Variants in SH3GL2 observed in about 807,000 individuals in gnomAD.
The protein encoded by SH3GL2 is SH3 domain containing GRB2 like 2, endophilin A1.
In SH3GL2, 24 loss-of-function variants were observed where a neutral mutation model predicts 46.0. That is an observed-to-expected ratio of 0.52 (90% CI 0.38 to 0.73). The LOEUF (loss-of-function observed/expected upper bound fraction) is 0.73. Among genes scored for constraint, SH3GL2 ranks in the 30% least tolerant of loss-of-function variants. SH3GL2 has a pLI of 0.00. For missense variants in SH3GL2, 413 were observed against 424.2 expected (o/e 0.97, Z 0.23); for synonymous variants, 196 against 147.1 (o/e 1.33, Z -2.40).
chr9:17,628,410 G>GT lies in SH3GL2; in HGVS notation c.45+49123_45+49124insT, dbSNP rs1491483140. On this transcript the variant is annotated intron_variant, in intron 1 of 8. Coordinates refer to ENST00000380607, the MANE Select transcript of SH3GL2 (RefSeq NM_003026.5). ...GGGGATGCCCAGATAACTATATCTT[G>GT]GGTGTGTGTGTGTGTGTGTGTGTGT... Among the ~76,000 whole-genome samples, 22 of 105,106 alleles carry GT rather than the reference G, an allele frequency of 2.1e-4. No individual in the cohort carries two copies. The South Asian group carries it at 2.9e-3, about 14-fold the overall frequency. 69.0% of individuals were successfully genotyped at this position (105,106 alleles called of 152,430 possible).
rs546040630 is a variant in SH3GL2 at position 17,781,463 on chromosome 9, T to A, written c.188-4918T>A. ...TCACTCTGATGGTAGTTTCTTTTGCTGTGCAGAAGCTCTTGAGTTTAATTA... is the reference window on the plus strand; with the variant it reads ...TCACTCTGATGGTAGTTTCTTTTGCAGTGCAGAAGCTCTTGAGTTTAATTA... On this transcript the variant is annotated intron_variant, in intron 3 of 8. Transcript: ENST00000380607. 4.8e-4 allele frequency among the ~76,000 whole-genome samples: 72 copies of A among 151,358 alleles called. 2 individuals carry two copies. In the South Asian group the frequency reaches 0.014, roughly 30 times the overall value.
At chr9:17,665,223 A>G (rs1820314423) in intron 1 of SH3GL2, among the ~76,000 whole-genome samples, 1 of 152,198 alleles carries the variant, frequency 6.6e-6, no homozygotes, top group Non-Finnish European at 1.5e-5. Flanking sequence ...GTACAGTGAT[A>G]AGAAACAAAA....
At chr9:17,670,398 T>C (rs559500455) in intron 1 of SH3GL2, among the ~76,000 whole-genome samples, 2 of 152,348 alleles carry the variant, frequency 1.3e-5, no homozygotes, top group East Asian at 3.9e-4. Flanking sequence ...TAGTTTTTTC[T>C]ACCTCCTGTA....
At chr9:17,723,445 A>G (rs1588274394) in intron 1 of SH3GL2, among the ~76,000 whole-genome samples, 1 of 152,162 alleles carries the variant, frequency 6.6e-6, no homozygotes, top group African/African-American at 2.4e-5. Context: ...ATGATTTTAT[A>G]CATCTTTCAT....
rs182808596 is a variant in SH3GL2 at position 17,664,252 on chromosome 9, A to G, written c.46-82814A>G. On this transcript the variant is annotated intron_variant, in intron 1 of 8. Coordinates refer to ENST00000380607, the MANE Select transcript of SH3GL2 (RefSeq NM_003026.5). ...ATTTGGGTAAAAATGAATTCCCGTG[A>G]ATACATGTTAGCAAAGCAAGCTTCC... Among the ~76,000 whole-genome samples, 243 of 152,292 alleles carry G rather than the reference A, an allele frequency of 1.6e-3. 1 individual carries two copies. The highest frequency in any genetic ancestry group is 5.6e-3 in the African/African-American group (231 of 41,578).
In SH3GL2 at chr9:17,793,421, G is replaced by C. The variant is rs1473870587; in HGVS notation, c.783G>C (p.Met261Ile). ...GGGAATATCAACCTAAACCACGAAT[G>C]AGCCTGGAGTTTCCAACTGGAGACA... ...PRREYQPKPR[M>I]SLEFPTGDST... is the part of the protein sequence containing the mutation. The change falls in exon 8 of 9, where the codon ATG becomes ATC. Residue 261 changes from methionine to isoleucine, a missense_variant. This residue lies in a region of SH3GL2 where 248 missense variants were observed against 215.0 expected (regional missense o/e 1.15). Coordinates refer to ENST00000380607, the MANE Select transcript of SH3GL2 (RefSeq NM_003026.5). The C allele has an allele frequency of 1.2e-6, 2 of 1,612,316 alleles. No homozygotes were observed. Among genetic ancestry groups the C allele is most frequent in the Non-Finnish European group, 1.7e-6 (2 of 1,179,302 alleles).
chr9:17,588,096 G>A (rs1786574296), intron 1 of SH3GL2, among the ~76,000 whole-genome samples: 1 of 152,122 alleles, frequency 6.6e-6, no homozygotes, highest in Admixed American at 6.5e-5. Context: ...GTACTTTGTT[G>A]CTCAAAGTCT....
At chr9:17,786,041 T>C (rs1823947039) in intron 3 of SH3GL2, among the ~76,000 whole-genome samples, 1 of 152,126 alleles carries the variant, frequency 6.6e-6, no homozygotes, top group South Asian at 2.1e-4. Flanking sequence ...AAGCTCTCCA[T>C]GGAAGCACCC....
chr9:17,757,249 C>T (rs763490918), intron 2 of SH3GL2, among the ~76,000 whole-genome samples: 3 of 152,152 alleles, frequency 2.0e-5, no homozygotes, highest in Non-Finnish European at 4.4e-5. Flanking sequence ...ATGGGCAAGG[C>T]ATTAGACTTC....
At chr9:17,761,065 T>A (rs1286488654) in intron 2 of SH3GL2, among the ~76,000 whole-genome samples, 1 of 152,236 alleles carries the variant, frequency 6.6e-6, no homozygotes, top group African/African-American at 2.4e-5. Context: ...TGCTGCATGA[T>A]TCTTTCTTGA....
At chr9:17,698,013 C>A (rs1257650558) in intron 1 of SH3GL2, among the ~76,000 whole-genome samples, 1 of 152,166 alleles carries the variant, frequency 6.6e-6, no homozygotes, top group East Asian at 1.9e-4. Flanking sequence ...TTATTCATTC[C>A]TAATTTTTTC....
intron 2 of SH3GL2, among the ~76,000 whole-genome samples, chr9:17,747,407 A>G (rs1397726332): frequency 1.3e-5 from 2 of 152,210 alleles, no homozygotes; most frequent in Non-Finnish European, 2.9e-5. Flanking sequence ...TTAAAAAAAT[A>G]AGGACAGTGT....
At chr9:17,584,471 C>G (rs1818335110) in intron 1 of SH3GL2, among the ~76,000 whole-genome samples, 1 of 152,118 alleles carries the variant, frequency 6.6e-6, no homozygotes. Flanking sequence ...CCACTGCACT[C>G]CAGCCTGGGC....
chr9:17,767,577 T>C (rs1230992193), intron 3 of SH3GL2, among the ~76,000 whole-genome samples: 1 of 152,226 alleles, frequency 6.6e-6, no homozygotes, highest in Non-Finnish European at 1.5e-5. Context: ...CTTGTATTCA[T>C]CTTTGCATCT....
At chr9:17,778,539 G>T (rs1823710184) in intron 3 of SH3GL2, among the ~76,000 whole-genome samples, 3 of 152,134 alleles carry the variant, frequency 2.0e-5, no homozygotes, top group African/African-American at 7.2e-5. Context: ...TTGGGACTTT[G>T]ATTCCTACCC....
chr9:17,696,575 C>T (rs967644186), intron 1 of SH3GL2, among the ~76,000 whole-genome samples: 13 of 151,930 alleles, frequency 8.6e-5, no homozygotes, highest in East Asian at 3.9e-4. Flanking sequence ...CTTCACAGGG[C>T]GGTAGGAAGG....
chr9:17,763,425 T>A (rs145499537), intron 3 of SH3GL2, among the ~76,000 whole-genome samples: 1 of 152,148 alleles, frequency 6.6e-6, no homozygotes, highest in Non-Finnish European at 1.5e-5. Context: ...GAACCAGTGA[T>A]GGGTGTCCTT....
chr9:17,579,466 C>T (rs1214493341), intron 1 of SH3GL2, among the ~76,000 whole-genome samples, 179 bp downstream of exon 1: 1 of 151,940 alleles, frequency 6.6e-6, no homozygotes, highest in Non-Finnish European at 1.5e-5. Context: ...TGGGCGTCCA[C>T]CCTCGGTCCC....
At chr9:17,611,601 G>C (rs1024100932) in intron 1 of SH3GL2, among the ~76,000 whole-genome samples, 4 of 152,200 alleles carry the variant, frequency 2.6e-5, no homozygotes, top group African/African-American at 9.7e-5. Flanking sequence ...CTGTTACTGA[G>C]TTCATGATCT....
Sources: allele counts gnomAD v4.1 joint callset (sites outside exome capture counted in the v4.1 genomes callset), GRCh38; gene constraint gnomAD v4.1.1; regional missense constraint gnomAD v4.1.1; transcripts MANE v1.5; gene names NCBI Gene and HGNC (gene_info 2026-07-23, HGNC 2026-07-21).